Variants in SLC7A14 observed in about 807,000 individuals in gnomAD.
SLC7A14 encodes the protein solute carrier family 7 member 14.
A neutral mutation model predicts 60.2 loss-of-function variants in SLC7A14; 37 were observed. The ratio of observed to expected loss-of-function variants is 0.61; its 90% CI spans 0.47 to 0.81. The LOEUF is 0.81. Ranked by LOEUF, SLC7A14 falls within the 30% of genes least tolerant of loss-of-function variation. The pLI is 0.00. For missense variants in SLC7A14, 886 were observed against 982.7 expected (o/e 0.90, Z 1.32); for synonymous variants, 399 against 395.8 (o/e 1.01, Z -0.10).
At chr3:170,507,299 G>C (rs114286372) in intron 2 of SLC7A14, among the ~76,000 whole-genome samples, 336 of 152,340 alleles carry the variant, frequency 2.2e-3, no homozygotes, top group African/African-American at 7.8e-3. Context: ...TGGTAAGACA[G>C]ATTTCCTGAC....
intron 7 of SLC7A14, among the ~76,000 whole-genome samples, chr3:170,468,871 G>A (rs1418984397): frequency 1.3e-5 from 2 of 152,166 alleles, no homozygotes; most frequent in Non-Finnish European, 1.5e-5. Context: ...AACCCTGGCT[G>A]CACTTGAAAG....
rs189408686 is a variant in SLC7A14, at chr3:170,501,132, C to A, written c.518G>T (p.Ser173Ile). 8 of 1,614,240 alleles carry A rather than the reference C, an allele frequency of 5.0e-6. No homozygotes were observed. In the African/African-American group the frequency reaches 9.3e-5, roughly 19 times the overall value. ...NHTISRWMAD[S>I]VGTLNGLGKG... The stretch of plus-strand genomic sequence containing the variant: ...ACCCAGGCCATTGAGGGTTCCCACG[C>A]TGTCCGCCATCCAGCGGCTGATGGT... The change falls in exon 3 of 8, where the codon AGC becomes ATC. Residue 173 changes from serine to isoleucine, a missense_variant. Physicochemically the swap from Ser to Ile is moderately radical, Grantham distance 142 (BLOSUM62 -2). Transcript: ENST00000231706.
chr3:170,553,838 C>T (rs1166906293), intron 1 of SLC7A14, among the ~76,000 whole-genome samples: 3 of 150,304 alleles, frequency 2.0e-5, no homozygotes, highest in African/African-American at 4.9e-5. Flanking sequence ...CCCCAGCCAC[C>T]GTTAAAAAAA....
intron 1 of SLC7A14, among the ~76,000 whole-genome samples, chr3:170,531,713 CT>C (rs1343789102): frequency 2.0e-5 from 3 of 152,182 alleles, no homozygotes; most frequent in African/African-American, 7.2e-5. Context: ...GTTTTGGAAG[CT>C]CATTGCTGTT....
In SLC7A14 at chr3:170,460,179, A is replaced by G. The variant is rs1246847276; in HGVS notation, c.*6876T>C. The G allele has an allele frequency of 6.6e-6, 1 of 152,260 alleles. No individual in the cohort carries two copies. Among genetic ancestry groups the G allele is most frequent in the Non-Finnish European group, 1.5e-5 (1 of 68,044 alleles). 9.4% of individuals were successfully genotyped at this position (152,260 alleles called of 1,614,324 possible). On this transcript the variant is annotated 3_prime_UTR_variant, in exon 8 of 8. Transcript: ENST00000231706. ...GCAGAGAACAACACTAGGAATTACC[A>G]TCTGTAAATGCAAGTTGTACTTCTC...
chr3:170,480,530 G>T lies in SLC7A14; in HGVS notation c.1752C>A (p.Ile584=). ...ILMFIFCSFI[I]FGSDYISEQS... ...GCTCTGAGATGTAGTCAGAACCAAA[G>T]ATGATGAAGGAGCAGAAGATGAACA... is the stretch of plus-strand genomic sequence containing the variant. The change falls in exon 7 of 8, where the codon ATC becomes ATA. Residue 584 remains isoleucine (I), a synonymous_variant. Transcript: ENST00000231706. The T allele has an allele frequency of 1.2e-6, 2 of 1,614,236 alleles. No homozygotes were observed. The highest frequency in any genetic ancestry group is 1.1e-5 in the South Asian group (1 of 91,088).
rs758752611 is a variant in SLC7A14, at chr3:170,480,664, G to T, written c.1618C>A (p.His540Asn). ...AGCCGGATTCTCATGGTGTAATAAT[G>T]AGGCCCAATCAGCTTCTTTAACTTG... is the stretch of plus-strand genomic sequence containing the variant. ...LIKLKKLIGP[H>N]YYTMRIRLGL... Residue 540 changes from histidine to asparagine, a missense_variant, in exon 7 of 8, where the codon CAT (histidine) becomes AAT (asparagine). Transcript: ENST00000231706. 17 of 1,614,254 alleles carry T rather than the reference G, an allele frequency of 1.1e-5. No homozygotes were observed. Among genetic ancestry groups the T allele is most frequent in the Non-Finnish European group, 1.4e-5 (16 of 1,180,050 alleles).
intron 1 of SLC7A14, among the ~76,000 whole-genome samples, chr3:170,571,512 A>G (rs1229678912): frequency 6.6e-6 from 1 of 152,214 alleles, no homozygotes; most frequent in Non-Finnish European, 1.5e-5. Flanking sequence ...AGAAAACTAA[A>G]ACCAAAACAA....
At chr3:170,547,668 G>T (rs1467545600) in intron 1 of SLC7A14, among the ~76,000 whole-genome samples, 1 of 152,046 alleles carries the variant, frequency 6.6e-6, no homozygotes, top group East Asian at 1.9e-4. Flanking sequence ...CTCTCTCAGG[G>T]GTAGCAAAGG....
At chr3:170,479,149 A>G (rs1043681655) in intron 7 of SLC7A14, among the ~76,000 whole-genome samples, 8 of 109,292 alleles carry the variant, frequency 7.3e-5, no homozygotes, top group African/African-American at 2.2e-4. Flanking sequence ...CAAAACAAAC[A>G]AATAACAACA....
At chr3:170,551,322 T>C (rs561188756) in intron 1 of SLC7A14, among the ~76,000 whole-genome samples, 34 of 152,322 alleles carry the variant, frequency 2.2e-4, no homozygotes, top group African/African-American at 6.5e-4. Flanking sequence ...ATTTGGATTG[T>C]TTCCACTTTT....
At chr3:170,509,098 G>T (rs1005044435) in intron 2 of SLC7A14, among the ~76,000 whole-genome samples, 4 of 152,140 alleles carry the variant, frequency 2.6e-5, no homozygotes, top group African/African-American at 9.7e-5. Flanking sequence ...TGTCCCTTCA[G>T]CCTCACTGCT....
chr3:170,527,184 G>T (rs1415373730), intron 1 of SLC7A14, 96 bp from the exon 2 acceptor site: 4 of 545,890 alleles, frequency 7.3e-6, no homozygotes, highest in Non-Finnish European at 1.3e-5. Flanking sequence ...TGAACTGGTA[G>T]AACTGGTCTA....
chr3:170,553,445 C>A (rs556343391), intron 1 of SLC7A14, among the ~76,000 whole-genome samples: 4 of 152,266 alleles, frequency 2.6e-5, no homozygotes, highest in African/African-American at 9.6e-5. Flanking sequence ...AAGGGAAACT[C>A]CCAGTTCAAA....
intron 1 of SLC7A14, among the ~76,000 whole-genome samples, chr3:170,543,163 A>C (rs1714071055): frequency 6.6e-6 from 1 of 152,168 alleles, no homozygotes; most frequent in Non-Finnish European, 1.5e-5. Context: ...TCACTCTCTC[A>C]GATCTGAAGC....
At chr3:170,505,843 A>G (rs1418742166) in intron 2 of SLC7A14, among the ~76,000 whole-genome samples, 2 of 151,990 alleles carry the variant, frequency 1.3e-5, no homozygotes. Context: ...AAGTGAGATT[A>G]TGCCACTGCA....
intron 4 of SLC7A14, among the ~76,000 whole-genome samples, chr3:170,488,971 C>T (rs1027172712): frequency 4.6e-5 from 7 of 151,924 alleles, no homozygotes; most frequent in African/African-American, 9.7e-5. Context: ...CGTTTTCAAA[C>T]GCAATCATAG....
chr3:170,558,774 C>T lies in SLC7A14; in HGVS notation c.-153+27137G>A, dbSNP rs114613895. On this transcript the variant is annotated intron_variant, in intron 1 of 7. Transcript: ENST00000231706. ...CAATGTCATTCTGAATGAAGAATTACAGAGCTGGATTTCAATGACTGGACT... is the reference window on the plus strand; with the variant it reads ...CAATGTCATTCTGAATGAAGAATTATAGAGCTGGATTTCAATGACTGGACT... 3.7e-3 allele frequency among the ~76,000 whole-genome samples: 568 copies of T among 152,274 alleles called. 7 individuals carry two copies. Among genetic ancestry groups the T allele is most frequent in the African/African-American group, 0.013 (548 of 41,550 alleles).
chr3:170,575,423 T>C (rs1348400258), intron 1 of SLC7A14, among the ~76,000 whole-genome samples: 5 of 152,176 alleles, frequency 3.3e-5, no homozygotes, highest in Admixed American at 2.6e-4. Context: ...CATGTGTTAG[T>C]GTACTGTCTG....
Sources: allele counts gnomAD v4.1 joint callset (sites outside exome capture counted in the v4.1 genomes callset), GRCh38; gene constraint gnomAD v4.1.1; transcripts MANE v1.5; gene names NCBI Gene and HGNC (gene_info 2026-07-23, HGNC 2026-07-21).